CEP192: variants seen among roughly 807,000 people sequenced by gnomAD.
The protein encoded by CEP192 is centrosomal protein 192, also known as centrosomal protein of 192 kDa.
Under a neutral mutation model 271.8 loss-of-function variants are expected in CEP192, and 151 were observed. The ratio of observed to expected loss-of-function variants is 0.56; its 90% CI spans 0.49 to 0.64. The LOEUF (loss-of-function observed/expected upper bound fraction) is 0.64, where lower values mean the gene tolerates loss of function less well. CEP192 is among the 30% of genes least tolerant of loss of function. The probability of loss-of-function intolerance (pLI) is 0.00; values close to 1 mark genes in which losing one functional copy is unlikely to be tolerated. For missense variants in CEP192, 2,910 were observed against 3,020.5 expected (o/e 0.96, Z 0.86); for synonymous variants, 995 against 1,076.5 (o/e 0.92, Z 1.48).
intron 40 of CEP192, among the ~76,000 whole-genome samples, chr18:13,112,239 C>A (rs1381943017): frequency 6.6e-6 from 1 of 152,098 alleles, no homozygotes; most frequent in Non-Finnish European, 1.5e-5. Flanking sequence ...TCTGATGGGT[C>A]GATAAACAAA....
intron 9 of CEP192, among the ~76,000 whole-genome samples, chr18:13,023,378 T>TAGGTTTTTTTTA (rs1453771415): frequency 1.4e-4 from 21 of 152,252 alleles, no homozygotes; most frequent in Admixed American, 1.0e-3. Context: ...ATGCTAGCTA[T>TAGGTTTTTTTTA]AGGTTTTTTA....
At chr18:13,082,689 G>A (rs1293689067) in intron 30 of CEP192, among the ~76,000 whole-genome samples, 2 of 151,962 alleles carry the variant, frequency 1.3e-5, no homozygotes, top group African/African-American at 2.4e-5. Context: ...TATTTTGCCT[G>A]GTAGTTGATG....
chr18:13,100,634 AT>A, intron 38 of CEP192, 122 bp downstream of exon 38: 1 of 694,620 alleles, frequency 1.4e-6, no homozygotes, highest in East Asian at 2.7e-5. Context: ...AAAAGTGGTC[AT>A]TAGCAGTCAT....
chr18:13,067,758 A>T (rs2037786959), intron 21 of CEP192, 73 bp from the exon 22 acceptor site: 1 of 1,255,226 alleles, frequency 8.0e-7, no homozygotes, highest in East Asian at 2.4e-5. Flanking sequence ...TAGAAATGGC[A>T]GTGATATGAA....
At chr18:13,040,753 C>G in intron 13 of CEP192, 77 bp from the exon 14 acceptor site, 2 of 1,173,056 alleles carry the variant, frequency 1.7e-6, no homozygotes, top group Non-Finnish European at 2.4e-6. Context: ...TGTTTTACCA[C>G]TATTAGATAA....
chr18:13,035,493 A>C (rs1415678075), intron 11 of CEP192, among the ~76,000 whole-genome samples: 1 of 152,216 alleles, frequency 6.6e-6, no homozygotes, highest in Admixed American at 6.5e-5. Context: ...ATTCACTATC[A>C]TGAGAATAGC....
chr18:13,113,941 TGCACATGG>T (rs1427905403), intron 41 of CEP192, among the ~76,000 whole-genome samples, 181 bp from the exon 42 acceptor site: 1 of 152,186 alleles, frequency 6.6e-6, no homozygotes, highest in African/African-American at 2.4e-5. Flanking sequence ...GCATCATGTA[TGCACATGG>T]GCACATGAGA....
In CEP192 at chr18:13,089,502, C is replaced by G; in HGVS notation, c.6040C>G (p.His2014Asp). 1 of 1,606,886 alleles carries G rather than the reference C, an allele frequency of 6.2e-7. No individual in the cohort carries two copies. Among genetic ancestry groups the G allele is most frequent in the Non-Finnish European group, 8.5e-7 (1 of 1,176,122 alleles). ...GATGATAAAACAGATACTTCCAGAA[C>G]ATAGTGTGCTTCAAAACATTAATTT... Reference protein sequence around the residue: ...PEMIKQILPEHSVLQNINFVE... With the variant: ...PEMIKQILPEDSVLQNINFVE... The change falls in exon 33 of 45, where the codon CAT becomes GAT. Residue 2014 changes from histidine to aspartate, a missense_variant. Transcript: ENST00000506447.
chr18:13,079,167 G>A (rs150240412), intron 30 of CEP192, among the ~76,000 whole-genome samples: 19 of 152,300 alleles, frequency 1.2e-4, no homozygotes, highest in African/African-American at 4.6e-4. Flanking sequence ...TGGGATTGCT[G>A]CGTCAAATGT....
chr18:13,066,739 T>G (rs1322130538), intron 21 of CEP192, among the ~76,000 whole-genome samples: 1 of 152,160 alleles, frequency 6.6e-6, no homozygotes, highest in Non-Finnish European at 1.5e-5. Context: ...GTTTCTGGGC[T>G]TTATATGCAG....
chr18:13,069,623 AG>A (rs2037901218), intron 26 of CEP192, 114 bp from the exon 27 acceptor site: 1 of 687,384 alleles, frequency 1.5e-6, no homozygotes, highest in Admixed American at 2.3e-5. Flanking sequence ...ACAGACAAGA[AG>A]GGGACAAACA....
At position 13,122,428 on chromosome 18, in the gene CEP192, C is replaced by A. The variant is rs897298517; in HGVS notation, c.7476-2204C>A. On this transcript the variant is annotated intron_variant, in intron 44 of 44. Coordinates refer to ENST00000506447, the MANE Select transcript of CEP192 (RefSeq NM_032142.4). ...AGAGCGAGACACCGTCTCAAAAAAA[C>A]AAAGTAGCCGGGCCTGGTGGCATAT... 2.9e-4 allele frequency among the ~76,000 whole-genome samples: 44 copies of A among 151,194 alleles called. No individual in the cohort carries two copies. In the Middle Eastern group the frequency reaches 0.014, roughly 48 times the overall value.
chr18:13,064,002 A>G (rs1365635450), intron 21 of CEP192, among the ~76,000 whole-genome samples: 2 of 150,730 alleles, frequency 1.3e-5, no homozygotes, highest in Non-Finnish European at 3.0e-5. Flanking sequence ...TGTATTTTTA[A>G]TAGAGATGGG....
At chr18:13,116,945 A>G (rs2040461639) in intron 43 of CEP192, among the ~76,000 whole-genome samples, 1 of 152,124 alleles carries the variant, frequency 6.6e-6, no homozygotes, top group Non-Finnish European at 1.5e-5. Context: ...ATATAAGGCC[A>G]GGTGCAGTGA....
At chr18:13,022,400 A>G (rs2035044497) in intron 9 of CEP192, among the ~76,000 whole-genome samples, 1 of 151,292 alleles carries the variant, frequency 6.6e-6, no homozygotes, top group Non-Finnish European at 1.5e-5. Context: ...TTATTGTTTG[A>G]GACGGAGTCT....
At chr18:13,098,246 C>T (rs916098005) in intron 36 of CEP192, among the ~76,000 whole-genome samples, 4 of 151,684 alleles carry the variant, frequency 2.6e-5, no homozygotes, top group Admixed American at 6.6e-5. Context: ...CCTCACCTCC[C>T]GGACGGGACG....
At chr18:13,088,973 C>A in intron 32 of CEP192, 1 of 394,808 alleles carries the variant, frequency 2.5e-6, no homozygotes, top group Non-Finnish European at 5.1e-6. Context: ...AACTCTTTGC[C>A]ATAAAATTAA....
In CEP192 at chr18:13,056,180, A is replaced by C. The variant is rs1458066951; in HGVS notation, c.3590A>C (p.Gln1197Pro). 2 of 1,613,948 alleles carry C rather than the reference A, an allele frequency of 1.2e-6. No individual in the cohort carries two copies. Among genetic ancestry groups the C allele is most frequent in the South Asian group, 1.1e-5 (1 of 91,052 alleles). Residue 1197 changes from glutamine to proline, a missense_variant, in exon 19 of 45, where the codon CAA becomes CCA. Physicochemically the swap from Gln to Pro is moderately conservative, Grantham distance 76. Coordinates refer to ENST00000506447, the MANE Select transcript of CEP192 (RefSeq NM_032142.4). ...TGCCAGGAGCCTATAGATGAAGATC[A>C]AAGAATAAGTCCTAAAGATAAGTCA... Reference protein sequence around the residue: ...VSCQEPIDEDQRISPKDKSTA... With the variant: ...VSCQEPIDEDPRISPKDKSTA...
At chr18:13,099,286 G>C (rs1006947739) in intron 36 of CEP192, among the ~76,000 whole-genome samples, 190 bp from the exon 37 acceptor site, 5 of 152,082 alleles carry the variant, frequency 3.3e-5, no homozygotes, top group African/African-American at 1.2e-4. Context: ...CTTGTAACCC[G>C]TTGAGTCGGG....
Sources: allele counts gnomAD v4.1 joint callset (sites outside exome capture counted in the v4.1 genomes callset), GRCh38; gene constraint gnomAD v4.1.1; transcripts MANE v1.5; gene names NCBI Gene and HGNC (gene_info 2026-07-23, HGNC 2026-07-21).